The following KALRN variants were observed in gnomAD, a reference collection of about 807,000 sequenced individuals.
The protein encoded by KALRN is kalirin.
KALRN carries 70 observed loss-of-function variants against 353.7 expected under a neutral mutation model. The observed-to-expected ratio is 0.20, with a 90% confidence interval of 0.16 to 0.24. The LOEUF is 0.24. KALRN is among the 10% of genes least tolerant of loss of function. The probability of loss-of-function intolerance (pLI) is 1.00; values close to 1 mark genes in which losing one functional copy is unlikely to be tolerated. For synonymous variants in KALRN, 1,391 were observed against 1,434.8 expected (o/e 0.97, Z 0.69); for missense variants, 2,791 against 3,756.7 (o/e 0.74, Z 6.72).
At chr3:124,194,817 C>T (rs990118441) in intron 1 of KALRN, among the ~76,000 whole-genome samples, 7 of 152,068 alleles carry the variant, frequency 4.6e-5, no homozygotes, top group African/African-American at 1.7e-4. Flanking sequence ...CAGCTTGGCC[C>T]TGTTCCCTTT....
intron 1 of KALRN, among the ~76,000 whole-genome samples, chr3:124,172,631 TAGG>T (rs1299316650): frequency 6.6e-6 from 1 of 151,996 alleles, no homozygotes; most frequent in Admixed American, 6.5e-5. Context: ...TCGTTGAGAA[TAGG>T]AGAAGAAAAT....
chr3:124,115,688 C>A (rs1380607402), intron 1 of KALRN, among the ~76,000 whole-genome samples: 1 of 152,116 alleles, frequency 6.6e-6, no homozygotes, highest in Non-Finnish European at 1.5e-5. Flanking sequence ...TTCTGAATGA[C>A]CAGGGTTCCT....
At chr3:124,503,490 G>A (rs2064851206) in intron 33 of KALRN, among the ~76,000 whole-genome samples, 1 of 151,494 alleles carries the variant, frequency 6.6e-6, no homozygotes, top group Non-Finnish European at 1.5e-5. Flanking sequence ...CAAGTCCAGA[G>A]CTAGGTTTGA....
At chr3:124,254,358 G>A (rs1306699178) in intron 3 of KALRN, among the ~76,000 whole-genome samples, 1 of 148,376 alleles carries the variant, frequency 6.7e-6, no homozygotes, top group Non-Finnish European at 1.5e-5. Flanking sequence ...GTTCTAACAG[G>A]AGGAGCTAGC....
chr3:124,265,993 T>C (rs1209148666), intron 4 of KALRN, among the ~76,000 whole-genome samples: 1 of 152,098 alleles, frequency 6.6e-6, no homozygotes, highest in Non-Finnish European at 1.5e-5. Flanking sequence ...CGTGTGCCTG[T>C]AATCCAAGCT....
chr3:124,415,558 G>A (rs113601343), intron 14 of KALRN, among the ~76,000 whole-genome samples: 11 of 152,320 alleles, frequency 7.2e-5, no homozygotes, highest in South Asian at 2.1e-4. Context: ...TTGAAACAGT[G>A]CATACTCTTA....
intron 16 of KALRN, 65 bp from the exon 17 acceptor site, chr3:124,434,242 C>A: frequency 7.8e-7 from 1 of 1,287,056 alleles, no homozygotes; most frequent in Non-Finnish European, 1.1e-6. Flanking sequence ...ACGCCTCACT[C>A]CACCCCCTCC....
intron 10 of KALRN, among the ~76,000 whole-genome samples, chr3:124,378,461 A>T (rs2086877179): frequency 6.6e-6 from 1 of 152,044 alleles, no homozygotes; most frequent in South Asian, 2.1e-4. Flanking sequence ...GAGGAAAAAA[A>T]CCTTATTTAC....
chr3:124,226,665 T>G (rs1466751794), intron 1 of KALRN, among the ~76,000 whole-genome samples: 1 of 152,182 alleles, frequency 6.6e-6, no homozygotes, highest in African/African-American at 2.4e-5. Flanking sequence ...TTGGCCCACT[T>G]CACTTCCCTA....
In KALRN at chr3:124,329,977, C is replaced by A. The variant is rs1210464970; in HGVS notation, c.1401C>A (p.Thr467=). 1 of 1,613,746 alleles carries A rather than the reference C, an allele frequency of 6.2e-7. No individual in the cohort carries two copies. The highest frequency in any genetic ancestry group is 1.3e-5 in the African/African-American group (1 of 74,968). Residue 467 remains threonine, a synonymous_variant, in exon 8 of 60, where the codon ACC becomes ACA. Coordinates refer to ENST00000682506, the MANE Select transcript of KALRN (RefSeq NM_001388419.1). ...HHHQTLYEQV[T]QAYTEVSQDG... The stretch of plus-strand genomic sequence containing the variant: ...ACCAGACCTTGTATGAGCAGGTGAC[C>A]CAAGCCTACACAGAGGTGAGAATGG...
At chr3:124,330,645 T>A (rs2080452872) in intron 8 of KALRN, among the ~76,000 whole-genome samples, 1 of 152,170 alleles carries the variant, frequency 6.6e-6, no homozygotes, top group East Asian at 1.9e-4. Flanking sequence ...AGGAAACAGC[T>A]ACATAGGTAT....
intron 34 of KALRN, among the ~76,000 whole-genome samples, chr3:124,589,391 A>C (rs1039708100): frequency 5.3e-5 from 8 of 152,132 alleles, no homozygotes; most frequent in Admixed American, 2.0e-4. Flanking sequence ...AGCCCAGGAG[A>C]TCAAGACCAG....
chr3:124,716,953 G>A (rs1460232741), intron 58 of KALRN, among the ~76,000 whole-genome samples: 2 of 152,086 alleles, frequency 1.3e-5, no homozygotes, highest in Non-Finnish European at 2.9e-5. Context: ...CTCTTAAATG[G>A]GTGTCACAAC....
At chr3:124,353,111 G>C (rs1184050659) in intron 10 of KALRN, among the ~76,000 whole-genome samples, 1 of 152,178 alleles carries the variant, frequency 6.6e-6, no homozygotes, top group African/African-American at 2.4e-5. Flanking sequence ...CAAATGTTCT[G>C]AACTCTGTAG....
chr3:124,353,099 G>A (rs1291877732), intron 10 of KALRN, among the ~76,000 whole-genome samples: 3 of 152,138 alleles, frequency 2.0e-5, no homozygotes, highest in Admixed American at 6.5e-5. Flanking sequence ...AATCAATGAT[G>A]ACAAATGTTC....
chr3:124,132,463 G>A (rs922063411), intron 1 of KALRN, among the ~76,000 whole-genome samples: 2 of 152,248 alleles, frequency 1.3e-5, no homozygotes, highest in Admixed American at 1.3e-4. Context: ...CTGCAGCACC[G>A]CACAACACAT....
At chr3:124,163,863 T>C in intron 1 of KALRN, 1 of 985,476 alleles carries the variant, frequency 1.0e-6, no homozygotes. Context: ...CACCTCTGCA[T>C]GACCAAGCCT....
intron 33 of KALRN, among the ~76,000 whole-genome samples, chr3:124,557,096 G>A (rs1040198998): frequency 6.6e-6 from 1 of 151,978 alleles, no homozygotes; most frequent in Admixed American, 6.6e-5. Context: ...TTCCATGTTA[G>A]ATTCAAGGGT....
At chr3:124,247,825 G>A (rs1302630397) in intron 3 of KALRN, among the ~76,000 whole-genome samples, 5 of 151,988 alleles carry the variant, frequency 3.3e-5, no homozygotes, top group African/African-American at 1.2e-4. Flanking sequence ...TAGCTTGGGT[G>A]TAGGCACTCA....
Sources: gnomAD v4.1 joint callset for allele counts (sites outside exome capture counted in the v4.1 genomes callset) on GRCh38, gnomAD v4.1.1 for gene constraint, MANE v1.5 for transcripts, NCBI Gene and HGNC (gene_info 2026-07-23, HGNC 2026-07-21) for gene names.